The following NFATC2 variants were observed in gnomAD, a reference collection of about 807,000 sequenced individuals.
NFATC2 encodes nuclear factor of activated T-cells, cytoplasmic 2.
Under a neutral mutation model 87.3 loss-of-function variants are expected in NFATC2, and 22 were observed. That is an observed-to-expected ratio of 0.25 (90% CI 0.18 to 0.36). The LOEUF is 0.36. NFATC2 is among the 10% of genes least tolerant of loss of function. The pLI is 1.00. For synonymous variants in NFATC2, 565 were observed against 542.2 expected (o/e 1.04, Z -0.58); for missense variants, 1,149 against 1,259.1 (o/e 0.91, Z 1.32).
intron 5 of NFATC2, among the ~76,000 whole-genome samples, chr20:51,467,627 T>C (rs545726365): frequency 6.2e-4 from 94 of 152,240 alleles, no homozygotes; most frequent in African/African-American, 2.1e-3. Context: ...ATTAGGGAAA[T>C]GCACATTAAA....
intron 9 of NFATC2, among the ~76,000 whole-genome samples, chr20:51,403,847 G>A (rs1401927208): frequency 6.6e-6 from 1 of 152,150 alleles, no homozygotes; most frequent in Non-Finnish European, 1.5e-5. Flanking sequence ...TGTTGTTTAA[G>A]CCACTAAGTC....
intron 9 of NFATC2, among the ~76,000 whole-genome samples, chr20:51,400,651 G>C (rs1188899858): frequency 3.9e-5 from 6 of 152,158 alleles, no homozygotes; most frequent in Non-Finnish European, 1.5e-5. Flanking sequence ...CAGAGGCAGG[G>C]CCTGTCTTCA....
At chr20:51,409,905 AC>A (rs780293968) in intron 9 of NFATC2, among the ~76,000 whole-genome samples, 2 of 152,236 alleles carry the variant, frequency 1.3e-5, no homozygotes, top group African/African-American at 2.4e-5. Flanking sequence ...CCAGAGTCAA[AC>A]AAACTTTAAC....
At chr20:51,402,287 A>G (rs1043525511) in intron 9 of NFATC2, among the ~76,000 whole-genome samples, 1 of 152,150 alleles carries the variant, frequency 6.6e-6, no homozygotes, top group Non-Finnish European at 1.5e-5. Context: ...GATTACATGC[A>G]ACTAAGCTGC....
At chr20:51,397,438 G>A (rs565195578) in intron 10 of NFATC2, among the ~76,000 whole-genome samples, 16 of 152,288 alleles carry the variant, frequency 1.1e-4, no homozygotes, top group South Asian at 4.2e-4. Context: ...CCCAGGCCAC[G>A]CTGGTCAGAG....
At chr20:51,542,889 C>T (rs1041993462), upstream of NFATC2, among the ~76,000 whole-genome samples, 2 of 151,994 alleles carry the variant, frequency 1.3e-5, no homozygotes, top group African/African-American at 4.8e-5. Context: ...CGGACCTGAC[C>T]ACACTGTCCC....
intron 5 of NFATC2, among the ~76,000 whole-genome samples, chr20:51,473,757 G>C (rs1255213853): frequency 6.6e-6 from 1 of 152,182 alleles, no homozygotes; most frequent in East Asian, 1.9e-4. Context: ...TAAATTTCCT[G>C]TGAGGCCACA....
At chr20:51,448,245 G>A (rs1985319893) in intron 6 of NFATC2, among the ~76,000 whole-genome samples, 1 of 152,210 alleles carries the variant, frequency 6.6e-6, no homozygotes. Context: ...CAAGGTGTCT[G>A]GGAAGCGGGA....
At position 51,409,548 on chromosome 20, in the gene NFATC2, G is replaced by T. The variant is rs1033445424; in HGVS notation, c.2723-10818C>A. On this transcript the variant is annotated intron_variant, in intron 9 of 10. Coordinates refer to ENST00000371564, the MANE Select transcript of NFATC2 (RefSeq NM_012340.5). The stretch of plus-strand genomic sequence containing the variant: ...TTGAAATTGTATCCAGAATCACTGA[G>T]CATCATGGCTGTGAACCTCAGAGAT... Among the ~76,000 whole-genome samples, 5 of 152,188 alleles carry T rather than the reference G, an allele frequency of 3.3e-5. No individual in the cohort carries two copies. The South Asian group carries it at 8.3e-4, about 25-fold the overall frequency.
chr20:51,479,656 T>G (rs1222643034), intron 3 of NFATC2, among the ~76,000 whole-genome samples: 2 of 152,098 alleles, frequency 1.3e-5, no homozygotes, highest in African/African-American at 4.8e-5. Context: ...AATGCAGCAG[T>G]GAAAGCATCT....
chr20:51,420,026 A>G (rs1600695432), intron 9 of NFATC2, among the ~76,000 whole-genome samples: 1 of 145,908 alleles, frequency 6.9e-6, no homozygotes, highest in East Asian at 2.0e-4. Flanking sequence ...AAAAAAAAAA[A>G]GCAACTACAC....
At chr20:51,519,348 G>A (rs146501506) in intron 2 of NFATC2, among the ~76,000 whole-genome samples, 6 of 151,696 alleles carry the variant, frequency 4.0e-5, no homozygotes. Context: ...AAGAAGTAGA[G>A]CATGCCTGTA....
chr20:51,459,968 A>G (rs1054725732), intron 5 of NFATC2, among the ~76,000 whole-genome samples: 9 of 152,210 alleles, frequency 5.9e-5, no homozygotes, highest in Non-Finnish European at 1.3e-4. Flanking sequence ...AATGTACTTC[A>G]TGTACTGAAT....
rs115521360 is a variant in NFATC2 at position 51,531,613 on chromosome 20, G to A, written c.131-7503C>T. 6.8e-3 allele frequency among the ~76,000 whole-genome samples: 1,033 copies of A among 152,278 alleles called. 5 individuals are homozygous for A. Among genetic ancestry groups the A allele is most frequent in the African/African-American group, 0.022 (911 of 41,544 alleles). The stretch of plus-strand genomic sequence containing the variant: ...GGACTCCAGATCCACTCCCACCCCC[G>A]GCTGTGAGACTTGGGGAAACTCCAT... On this transcript the variant is annotated intron_variant, in intron 1 of 10. Transcript: ENST00000371564.
chr20:51,413,434 C>T (rs929059683), intron 9 of NFATC2, among the ~76,000 whole-genome samples: 1 of 152,072 alleles, frequency 6.6e-6, no homozygotes, highest in Non-Finnish European at 1.5e-5. Context: ...CTCCTGAACT[C>T]CCAAAGAAAC....
rs1189623485 is a variant in NFATC2 at position 51,390,093 on chromosome 20, G to A, written c.*1403C>T. Reference sequence around the variant, plus strand: ...ACACCCACAGAGGAAGACTAGGGGAGACTGGGTGCGCTCAGTGGAAACAGT... The same window carrying A: ...ACACCCACAGAGGAAGACTAGGGGAAACTGGGTGCGCTCAGTGGAAACAGT... On this transcript the variant is annotated 3_prime_UTR_variant, in exon 11 of 11. Transcript: ENST00000371564. The A allele has an allele frequency of 1.3e-5, 1 of 79,112 alleles. No homozygotes were observed. Among genetic ancestry groups the A allele is most frequent in the Non-Finnish European group, 2.2e-5 (1 of 45,300 alleles). 4.9% of individuals were successfully genotyped at this position (79,112 alleles called of 1,614,324 possible). A position where few individuals can be genotyped will look rare whatever the true frequency, so the allele number is the denominator to read the frequency against.
chr20:51,395,774 TAAG>T (rs888326618), intron 10 of NFATC2, among the ~76,000 whole-genome samples: 59 of 151,944 alleles, frequency 3.9e-4, no homozygotes, highest in Admixed American at 1.3e-3. Context: ...TTCAACTCAG[TAAG>T]AAGGATATTA....
chr20:51,538,685 C>T (rs1209682277), intron 1 of NFATC2, among the ~76,000 whole-genome samples: 2 of 152,190 alleles, frequency 1.3e-5, no homozygotes, highest in African/African-American at 4.8e-5. Flanking sequence ...ATTAATTGAA[C>T]ACCTCCATTA....
intron 10 of NFATC2, among the ~76,000 whole-genome samples, chr20:51,393,799 C>T (rs902837367): frequency 2.0e-5 from 3 of 152,190 alleles, no homozygotes; most frequent in African/African-American, 7.2e-5. Context: ...TTAATGAAAA[C>T]TTTCCACAGC....
Sources: gnomAD v4.1 joint callset for allele counts (sites outside exome capture counted in the v4.1 genomes callset) on GRCh38, gnomAD v4.1.1 for gene constraint, MANE v1.5 for transcripts, NCBI Gene and HGNC (gene_info 2026-07-23, HGNC 2026-07-21) for gene names.